CCNH: variants seen among roughly 807,000 people sequenced by gnomAD.
CCNH encodes the protein cyclin H, also known as cyclin-H.
In CCNH, 31 loss-of-function variants were observed where a neutral mutation model predicts 41.9. The ratio of observed to expected loss-of-function variants is 0.74; its 90% CI spans 0.56 to 1.00. The LOEUF (loss-of-function observed/expected upper bound fraction) is 1.00, where lower values mean the gene tolerates loss of function less well. Among genes scored for constraint, CCNH ranks in the 50% least tolerant of loss-of-function variants. CCNH has a pLI of 0.00. For synonymous variants in CCNH, 138 were observed against 136.1 expected (o/e 1.01, Z -0.10); for missense variants, 362 against 388.4 (o/e 0.93, Z 0.57).
chr5:87,326,551 AAAG>A (rs1485641172), intron 9 of CCNH, among the ~76,000 whole-genome samples: 4 of 152,184 alleles, frequency 2.6e-5, no homozygotes, highest in African/African-American at 7.2e-5. Context: ...TTAGAGAGGC[AAAG>A]AAGAAGAGAG....
At chr5:87,411,482 GA>G in intron 1 of CCNH, 136 bp from the exon 2 acceptor site, 1 of 694,366 alleles carries the variant, frequency 1.4e-6, no homozygotes, top group East Asian at 3.1e-5. Flanking sequence ...TTTCTTTATA[GA>G]TTCGCTAATC....
At chr5:87,385,329 A>G in intron 9 of CCNH, 1 of 1,611,454 alleles carries the variant, frequency 6.2e-7, no homozygotes, top group African/African-American at 1.3e-5. Context: ...CTGCAAGAAC[A>G]CTGATATTAG....
chr5:87,374,124 T>C, downstream of CCNH: 7 of 1,293,560 alleles, frequency 5.4e-6, no homozygotes, highest in Non-Finnish European at 6.9e-6. Context: ...ATTCTAGAAA[T>C]CTGGGGTAAT....
At chr5:87,382,966 ACCTGTAGT>A (rs1761825233) in intron 9 of CCNH, among the ~76,000 whole-genome samples, 1 of 151,684 alleles carries the variant, frequency 6.6e-6, no homozygotes, top group Admixed American at 6.6e-5. Context: ...GGTGATGTGC[ACCTGTAGT>A]CCTAACTACT....
chr5:87,340,101 C>T (rs1337787067), intron 9 of CCNH, among the ~76,000 whole-genome samples: 6 of 152,104 alleles, frequency 3.9e-5, no homozygotes, highest in Non-Finnish European at 7.4e-5. Flanking sequence ...AGTAGGCATT[C>T]AGAAAATGTT....
chr5:87,348,641 T>A (rs976443866), intron 9 of CCNH, among the ~76,000 whole-genome samples: 4 of 146,016 alleles, frequency 2.7e-5, no homozygotes, highest in African/African-American at 9.9e-5. Context: ...TACTTTTTAA[T>A]TTTTTTTTTT....
chr5:87,377,152 A>G, exon 1 of CCNH: 2 of 1,371,342 alleles, frequency 1.5e-6, no homozygotes, highest in Admixed American at 3.6e-5. Flanking sequence ...ATTGCAAAAT[A>G]AGTTATTCTG....
chr5:87,366,438 A>C (rs976663556), intron 9 of CCNH: 30 of 365,214 alleles, frequency 8.2e-5, no homozygotes, highest in Admixed American at 1.9e-4. Flanking sequence ...TGCCAGAGTA[A>C]AAAGAAGGAT....
intron 9 of CCNH, chr5:87,331,247 C>T (rs187755504): frequency 3.3e-6 from 4 of 1,223,136 alleles, no homozygotes; most frequent in Non-Finnish European, 2.4e-6. Flanking sequence ...GTTTAAGTTA[C>T]ATGTAGGCAT....
chr5:87,357,787 A>G (rs1461716539), intron 9 of CCNH, among the ~76,000 whole-genome samples: 1 of 152,200 alleles, frequency 6.6e-6, no homozygotes. Flanking sequence ...ATTACTTGAG[A>G]TATGTAATGT....
Position 87,395,112 on chromosome 5 carries a change from T to A in CCNH, c.873-8A>T, listed in dbSNP as rs763707076. The A allele has an allele frequency of 9.6e-5, 154 of 1,606,586 alleles. No homozygotes were observed. Among genetic ancestry groups the A allele is most frequent in the Non-Finnish European group, 1.2e-4 (146 of 1,176,146 alleles). On this transcript the variant is annotated splice_polypyrimidine_tract_variant and splice_region_variant and intron_variant, in intron 7 of 8. Transcript: ENST00000256897. Reference sequence around the variant, plus strand: ...TAGCCTTTCCTCTTCTTCCTATAATTAAGCAACTATCAATAAGCAATCCAA... The same window carrying A: ...TAGCCTTTCCTCTTCTTCCTATAATAAAGCAACTATCAATAAGCAATCCAA...
At chr5:87,377,534 A>G (rs1761409703), upstream of CCNH, among the ~76,000 whole-genome samples, 2 of 152,030 alleles carry the variant, frequency 1.3e-5, no homozygotes, top group South Asian at 2.1e-4. Context: ...ACGGGTTTTC[A>G]CCATGTTGGC....
Position 87,404,843 on chromosome 5 carries a change from C to A in CCNH, c.689+1G>T, listed in dbSNP as rs749082499. ...ACCTAAGTTAAAAAACTAATTAATA[C>A]CTTTCCATAGTAATTCCAGCCCTGG... On this transcript the variant is annotated splice_donor_variant, in intron 5 of 8. Coordinates refer to ENST00000256897, the MANE Select transcript of CCNH (RefSeq NM_001239.4). LOFTEE classifies it high-confidence loss of function. 102 of 1,598,694 alleles carry A rather than the reference C, an allele frequency of 6.4e-5. No homozygotes were observed. The highest frequency in any genetic ancestry group is 8.7e-5 in the Non-Finnish European group (102 of 1,174,624).
intron 9 of CCNH, among the ~76,000 whole-genome samples, chr5:87,348,205 T>C (rs1293064469): frequency 3.9e-5 from 6 of 152,080 alleles, no homozygotes; most frequent in Non-Finnish European, 7.4e-5. Flanking sequence ...CCTTGAAGAT[T>C]CAGTTTAAGG....
chr5:87,327,048 C>T (rs1344603231), intron 9 of CCNH, among the ~76,000 whole-genome samples: 1 of 152,120 alleles, frequency 6.6e-6, no homozygotes, highest in Admixed American at 6.5e-5. Flanking sequence ...CTTTGAGTAT[C>T]CTCTACTCCC....
chr5:87,408,307 T>A, intron 3 of CCNH, 121 bp from the exon 4 acceptor site: 4 of 500,544 alleles, frequency 8.0e-6, no homozygotes, highest in Admixed American at 3.6e-5. Context: ...TGCCTAATAT[T>A]CAAAAGCGAC....
At chr5:87,369,531 T>C (rs527862117) in intron 9 of CCNH, among the ~76,000 whole-genome samples, 78 of 152,250 alleles carry the variant, frequency 5.1e-4, no homozygotes, top group Non-Finnish European at 7.4e-4. Context: ...CAGTTCAGCT[T>C]CAATCTGTTT....
rs141900406 is a variant in CCNH at position 87,412,923 on chromosome 5, G to A, written c.-129C>T. ...CTAGGGCGTCCGGCTAGCCGGCGCT[G>A]GCGCGCTGTCGTCACGATTACGCGG... is the stretch of plus-strand genomic sequence containing the variant. On this transcript the variant is annotated 5_prime_UTR_variant, in exon 1 of 9. Transcript: ENST00000256897. The A allele has an allele frequency of 3.3e-3, 4,903 of 1,464,254 alleles. 6 individuals are homozygous for A. The highest frequency in any genetic ancestry group is 4.1e-3 in the Non-Finnish European group (4,492 of 1,106,796). 90.7% of individuals were successfully genotyped at this position (1,464,254 alleles called of 1,614,324 possible). A position where few individuals can be genotyped will look rare whatever the true frequency, so the allele number is the denominator to read the frequency against.
At chr5:87,377,142 A>G in exon 1 of CCNH, 2 of 1,411,200 alleles carry the variant, frequency 1.4e-6, no homozygotes, top group Non-Finnish European at 2.0e-6. Context: ...GTTAAATTAT[A>G]TTGCAAAATA....
Sources: allele counts gnomAD v4.1 joint callset (sites outside exome capture counted in the v4.1 genomes callset), GRCh38; gene constraint gnomAD v4.1.1; transcripts MANE v1.5; gene names NCBI Gene and HGNC (gene_info 2026-07-23, HGNC 2026-07-21).